Variants in ERC2 observed in about 807,000 individuals in gnomAD.
The protein encoded by ERC2 is ERC protein 2.
ERC2 carries 42 observed loss-of-function variants against 114.8 expected under a neutral mutation model. The ratio of observed to expected loss-of-function variants is 0.37; its 90% CI spans 0.29 to 0.47. ERC2 has a LOEUF of 0.47. Ranked by LOEUF, ERC2 falls within the 20% of genes least tolerant of loss-of-function variation. The pLI, the probability that ERC2 is intolerant of heterozygous loss-of-function variation, is 0.99. For synonymous variants in ERC2, 454 were observed against 425.5 expected (o/e 1.07, Z -0.82); for missense variants, 939 against 1,150.7 (o/e 0.82, Z 2.66).
intron 2 of ERC2, among the ~76,000 whole-genome samples, chr3:56,376,885 C>T (rs1327267230): frequency 1.3e-5 from 2 of 152,064 alleles, no homozygotes; most frequent in South Asian, 2.1e-4. Context: ...TTAAAGAAGT[C>T]GCAATACATG....
intron 5 of ERC2, 147 bp from the exon 6 acceptor site, chr3:56,139,823 T>C (rs2080745730): frequency 1.2e-6 from 1 of 853,812 alleles, no homozygotes; most frequent in South Asian, 1.6e-5. Context: ...AAAGATGGCC[T>C]TGGGAATCAC....
chr3:56,437,532 C>T (rs1053362322), intron 1 of ERC2, among the ~76,000 whole-genome samples: 1 of 152,214 alleles, frequency 6.6e-6, no homozygotes, highest in South Asian at 2.1e-4. Flanking sequence ...CAGATAGTGA[C>T]ACATACAGTA....
At chr3:55,662,383 T>G (rs937988585) in intron 17 of ERC2, among the ~76,000 whole-genome samples, 1 of 152,250 alleles carries the variant, frequency 6.6e-6, no homozygotes, top group African/African-American at 2.4e-5. Context: ...GAAATACTTC[T>G]GTCGCTATTA....
At chr3:56,204,939 TG>T (rs1285154211) in intron 3 of ERC2, among the ~76,000 whole-genome samples, 5 of 151,820 alleles carry the variant, frequency 3.3e-5, no homozygotes, top group Non-Finnish European at 5.9e-5. Context: ...TGTGTGTGTG[TG>T]TGTGTGTGTG....
At chr3:55,635,020 T>C (rs2059902170) in intron 17 of ERC2, among the ~76,000 whole-genome samples, 1 of 152,084 alleles carries the variant, frequency 6.6e-6, no homozygotes, top group Non-Finnish European at 1.5e-5. Flanking sequence ...TAGCTGGGAC[T>C]ACAGGTGCAT....
chr3:56,371,224 T>C (rs2059351273), intron 2 of ERC2, among the ~76,000 whole-genome samples: 1 of 152,158 alleles, frequency 6.6e-6, no homozygotes, highest in African/African-American at 2.4e-5. Flanking sequence ...TCTCAAAACC[T>C]CTGCAGCAAC....
intron 6 of ERC2, among the ~76,000 whole-genome samples, chr3:56,108,936 A>G (rs2078811579): frequency 6.6e-6 from 1 of 152,208 alleles, no homozygotes; most frequent in African/African-American, 2.4e-5. Flanking sequence ...AAGAAAGACC[A>G]TTAAATAAAT....
chr3:55,820,855 G>A (rs1280980761), intron 14 of ERC2, among the ~76,000 whole-genome samples: 1 of 152,196 alleles, frequency 6.6e-6, no homozygotes, highest in Non-Finnish European at 1.5e-5. Context: ...AACATTTAGT[G>A]AGCCCTGGGC....
At chr3:56,087,519 T>A (rs907030972) in intron 6 of ERC2, among the ~76,000 whole-genome samples, 1 of 152,122 alleles carries the variant, frequency 6.6e-6, no homozygotes, top group Non-Finnish European at 1.5e-5. Flanking sequence ...AAACACTAAG[T>A]GCTACTTGAT....
intron 7 of ERC2, among the ~76,000 whole-genome samples, chr3:56,041,130 G>A (rs1481690968): frequency 6.6e-6 from 1 of 151,920 alleles, no homozygotes; most frequent in Non-Finnish European, 1.5e-5. Flanking sequence ...GGTATAATGG[G>A]TTATTTTCTT....
intron 17 of ERC2, among the ~76,000 whole-genome samples, chr3:55,516,671 A>G (rs527896707): frequency 1.3e-5 from 2 of 152,342 alleles, no homozygotes; most frequent in South Asian, 2.1e-4. Context: ...TGCACGGGGT[A>G]TAACTCATCC....
Position 55,779,109 on chromosome 3 carries a change from G to A in ERC2, c.2565-44191C>T, listed in dbSNP as rs140387983. On this transcript the variant is annotated intron_variant, in intron 14 of 17. Coordinates refer to ENST00000288221, the MANE Select transcript of ERC2 (RefSeq NM_015576.3). ...TTGCCAAAAAATTATCTCCAAAAAT[G>A]GCCCTGGGTTTGGAGCATTTAATAG... is the stretch of plus-strand genomic sequence containing the variant. Among the ~76,000 whole-genome samples, 72 of 152,020 alleles carry A rather than the reference G, an allele frequency of 4.7e-4. 1 individual carries two copies. In the East Asian group the frequency reaches 0.011, roughly 23 times the overall value.
At chr3:56,191,912 G>A (rs779086727) in intron 3 of ERC2, among the ~76,000 whole-genome samples, 1 of 152,026 alleles carries the variant, frequency 6.6e-6, no homozygotes, top group African/African-American at 2.4e-5. Context: ...CTCCCATCCT[G>A]TACTTTGCTT....
chr3:55,783,511 G>T (rs1408731582), intron 14 of ERC2, among the ~76,000 whole-genome samples: 2 of 152,148 alleles, frequency 1.3e-5, no homozygotes, highest in African/African-American at 4.8e-5. Context: ...CTCAAGAAAT[G>T]AAAAATGTGG....
At chr3:55,583,893 C>CT (rs397821721) in intron 17 of ERC2, among the ~76,000 whole-genome samples, 1 of 151,506 alleles carries the variant, frequency 6.6e-6, no homozygotes, top group South Asian at 2.1e-4. Context: ...TGCTAGCCCC[C>CT]CTCCCAAAAC....
intron 14 of ERC2, among the ~76,000 whole-genome samples, chr3:55,875,724 A>ACACTCTCT (rs1491351730): frequency 2.1e-5 from 3 of 141,022 alleles, no homozygotes; most frequent in Admixed American, 7.0e-5. Context: ...ACACACACAC[A>ACACTCTCT]CTCTCTCTCT....
intron 2 of ERC2, among the ~76,000 whole-genome samples, chr3:56,413,779 G>C (rs2061035341): frequency 6.6e-6 from 1 of 152,116 alleles, no homozygotes; most frequent in Admixed American, 6.5e-5. Context: ...GATATTGCAG[G>C]TTTGAAGAAT....
At chr3:56,358,818 A>G (rs1023300290) in intron 2 of ERC2, among the ~76,000 whole-genome samples, 1 of 152,224 alleles carries the variant, frequency 6.6e-6, no homozygotes, top group African/African-American at 2.4e-5. Flanking sequence ...AATCCATGTA[A>G]GACGTTTAAT....
intron 14 of ERC2, among the ~76,000 whole-genome samples, chr3:55,836,252 A>G (rs1220591880): frequency 6.6e-6 from 1 of 152,212 alleles, no homozygotes; most frequent in Admixed American, 6.5e-5. Context: ...GGAAAAAACT[A>G]CTTTAAAGTT....
Sources: gnomAD v4.1 joint callset for allele counts (sites outside exome capture counted in the v4.1 genomes callset) on GRCh38, gnomAD v4.1.1 for gene constraint, MANE v1.5 for transcripts, NCBI Gene and HGNC (gene_info 2026-07-23, HGNC 2026-07-21) for gene names.